IDH3A: variants seen among roughly 807,000 people sequenced by gnomAD.
IDH3A encodes isocitrate dehydrogenase (NAD(+)) 3 catalytic subunit alpha.
A neutral mutation model predicts 43.3 loss-of-function variants in IDH3A; 23 were observed. The ratio of observed to expected loss-of-function variants is 0.53; its 90% CI spans 0.38 to 0.75. The LOEUF (loss-of-function observed/expected upper bound fraction) is 0.75. Among genes scored for constraint, IDH3A ranks in the 30% least tolerant of loss-of-function variants. The pLI, the probability that IDH3A is intolerant of heterozygous loss-of-function variation, is 0.00. For missense variants in IDH3A, 329 were observed against 474.4 expected (o/e 0.69, Z 2.85); for synonymous variants, 154 against 163.5 (o/e 0.94, Z 0.44).
rs954298045 is a variant in IDH3A at position 78,169,858 on chromosome 15, A to G, written c.*853A>G. Reference sequence around the variant, plus strand: ...GAGTGTATTGTAAACTTATTCTTGCATGTTGCTGTCTGGGAATGGACCACA... The same window carrying G: ...GAGTGTATTGTAAACTTATTCTTGCGTGTTGCTGTCTGGGAATGGACCACA... On this transcript the variant is annotated 3_prime_UTR_variant, in exon 11 of 11. Transcript: ENST00000299518. 4 of 152,318 alleles carry G rather than the reference A, an allele frequency of 2.6e-5. No homozygotes were observed. The highest frequency in any genetic ancestry group is 4.1e-4 in the South Asian group (2 of 4,832). 9.4% of individuals were successfully genotyped at this position (152,318 alleles called of 1,614,324 possible). A position where few individuals can be genotyped will look rare whatever the true frequency, so the allele number is the denominator to read the frequency against.
chr15:78,154,926 A>C (rs2074611919), intron 1 of IDH3A: 1 of 264,536 alleles, frequency 3.8e-6, no homozygotes, highest in Non-Finnish European at 7.1e-6. Context: ...GAGCTGAAAA[A>C]GTAGTTTTAT....
intron 3 of IDH3A, 21 bp downstream of exon 3, chr15:78,157,652 C>T (rs199815838): frequency 1.9e-6 from 3 of 1,543,472 alleles, no homozygotes; most frequent in Non-Finnish European, 2.7e-6. Context: ...TTAAAAAATA[C>T]ATTTAATGAT....
In IDH3A at chr15:78,161,974, C is replaced by G. The variant is rs901859290; in HGVS notation, c.477+206C>G. Among the ~76,000 whole-genome samples the G allele has an allele frequency of 6.6e-6, 1 of 151,946 alleles. No homozygotes were observed. Among genetic ancestry groups the G allele is most frequent in the African/African-American group, 2.4e-5 (1 of 41,352 alleles). ...AATATGCCCTCTGAATTTTGAATCC[C>G]CCACTTCACAGGTGCGCTCTTCCGC... On this transcript the variant is annotated intron_variant, in intron 5 of 10. Transcript: ENST00000299518. The surrounding 1 kb of genome is among the most constrained non-coding windows in gnomAD (Gnocchi z 4.8).
At chr15:78,154,057 C>T (rs534714980) in intron 1 of IDH3A, among the ~76,000 whole-genome samples, 1 of 151,956 alleles carries the variant, frequency 6.6e-6, no homozygotes, top group East Asian at 1.9e-4. Flanking sequence ...GTCTATGTAC[C>T]CAGTTTCTTT....
At chr15:78,158,379 G>C (rs1212956834) in intron 3 of IDH3A, among the ~76,000 whole-genome samples, 1 of 145,572 alleles carries the variant, frequency 6.9e-6, no homozygotes, top group Admixed American at 7.0e-5. Context: ...GAAGGATGTA[G>C]GTAGAGAGAA....
chr15:78,162,201 C>T (rs572656350), intron 5 of IDH3A, 33 bp from the exon 6 acceptor site: 2 of 1,613,188 alleles, frequency 1.2e-6, no homozygotes, highest in Non-Finnish European at 1.7e-6. Context: ...CTGTCACACT[C>T]TTTCCAGCAA....
chr15:78,159,124 C>T (rs1388909956), intron 3 of IDH3A, among the ~76,000 whole-genome samples: 1 of 152,216 alleles, frequency 6.6e-6, no homozygotes, highest in South Asian at 2.1e-4. Flanking sequence ...TGAGCCACCA[C>T]ACTGGGCCTA....
rs1023818571 is a variant in IDH3A, at chr15:78,171,187, G to A, written c.*2182G>A. On this transcript the variant is annotated 3_prime_UTR_variant, in exon 11 of 11. Coordinates refer to ENST00000299518, the MANE Select transcript of IDH3A (RefSeq NM_005530.3). ...TATCAGCCCTTTCGTTCTGGAAGGA[G>A]AGCTGATCTCATTTGTCACCTGAAC... 6.0e-6 allele frequency: 2 copies of A among 333,582 alleles called. No homozygotes were observed. The highest frequency in any genetic ancestry group is 8.8e-5 in the Admixed American group (2 of 22,664). The allele number at this position is 333,582 out of a possible 1,614,324, so 20.7% of individuals were successfully genotyped here. A position where few individuals can be genotyped will look rare whatever the true frequency, so the allele number is the denominator to read the frequency against.
rs1353403509 is a variant in IDH3A, at chr15:78,161,648, C to T, written c.357C>T (p.Asp119=). The T allele has an allele frequency of 1.9e-6, 3 of 1,614,024 alleles. No homozygotes were observed. In the South Asian group the frequency reaches 3.3e-5, roughly 18 times the overall value. ...SMNLLLRKTF[D]LYANVRPCVS... is the part of the protein sequence containing the mutation. ...ATTTACTGCTGCGCAAAACATTTGA[C>T]CTTTACGCGAATGTCCGACCATGTG... is the stretch of plus-strand genomic sequence containing the variant. Residue 119 remains aspartate, a synonymous_variant, in exon 5 of 11, where the codon GAC becomes GAT. Transcript: ENST00000299518. This position sits in a 1 kb window ranked among gnomAD's most constrained non-coding sequence, Gnocchi z 4.8.
At chr15:78,163,007 C>A (rs1815699945) in intron 6 of IDH3A, among the ~76,000 whole-genome samples, 1 of 152,192 alleles carries the variant, frequency 6.6e-6, no homozygotes, top group Admixed American at 6.5e-5. Flanking sequence ...GCAGAGGCCA[C>A]ATAGCGTACG....
intron 3 of IDH3A, among the ~76,000 whole-genome samples, chr15:78,158,444 C>CATAT: frequency 1.6e-5 from 1 of 63,238 alleles, no homozygotes; most frequent in Non-Finnish European, 2.7e-5. Flanking sequence ...GCAATACATA[C>CATAT]ATACATATAT....
intron 1 of IDH3A, chr15:78,154,950 T>G: frequency 3.1e-6 from 1 of 323,822 alleles, no homozygotes; most frequent in Admixed American, 4.7e-5. Flanking sequence ...ACCTTCAACA[T>G]CTTTTATTTG....
chr15:78,154,563 G>T (rs1231391266), intron 1 of IDH3A: 1 of 152,082 alleles, frequency 6.6e-6, no homozygotes, highest in African/African-American at 2.4e-5. Flanking sequence ...CAGCATCTCC[G>T]CTTATGAAAT....
rs376815941 is a variant in IDH3A at position 78,160,225 on chromosome 15, C to T, written c.289+19C>T. 3.9e-5 allele frequency: 56 copies of T among 1,432,750 alleles called. No homozygotes were observed. In the African/African-American group the frequency reaches 4.2e-4, roughly 11 times the overall value. The allele number at this position is 1,432,750 out of a possible 1,614,324, so 88.8% of individuals were successfully genotyped here. A position where few individuals can be genotyped will look rare whatever the true frequency, so the allele number is the denominator to read the frequency against. On this transcript the variant is annotated intron_variant, in intron 4 of 10. Coordinates refer to ENST00000299518, the MANE Select transcript of IDH3A (RefSeq NM_005530.3). ...TTGAAAGGTAGCACTGAAGTAGAGA[C>T]GGGGGTTTTTACAGATTTCCGCTAC...
intron 8 of IDH3A, 75 bp downstream of exon 8, chr15:78,163,855 AT>A: frequency 4.3e-6 from 4 of 933,192 alleles, no homozygotes; most frequent in Non-Finnish European, 7.1e-6. Flanking sequence ...ATGGCTTAAC[AT>A]TTTCAATTGA....
chr15:78,160,209 AGCACTGAAGTAGAGACG>A lies in IDH3A; in HGVS notation c.289+5_289+21del, dbSNP rs747058762. 8.5e-6 allele frequency: 13 copies of A among 1,525,494 alleles called. No individual in the cohort carries two copies. Among genetic ancestry groups the A allele is most frequent in the Non-Finnish European group, 1.2e-5 (13 of 1,099,022 alleles). 94.5% of individuals were successfully genotyped at this position (1,525,494 alleles called of 1,614,324 possible). On this transcript the variant is annotated splice_donor_5th_base_variant and intron_variant, in intron 4 of 10. Transcript: ENST00000299518. ...TAAGAACAAGATGGGCTTGAAAGGT[AGCACTGAAGTAGAGACG>A]GGGGTTTTTACAGATTTCCGCTACA...
In IDH3A at chr15:78,163,600, A is replaced by G; in HGVS notation, c.705A>G (p.Val235=). The G allele has an allele frequency of 6.3e-7, 1 of 1,596,696 alleles. No individual in the cohort carries two copies. The highest frequency in any genetic ancestry group is 1.1e-5 in the South Asian group (1 of 90,636). The part of the protein sequence containing the change: ...IKFNEMYLDT[V]CLNMVQDPSQ... ...TTAATGAGATGTACCTTGATACAGT[A>G]TGTTTGAATGTAAGTATATATTCAC... The change falls in exon 7 of 11, where the codon GTA becomes GTG. Residue 235 remains valine (V), a synonymous_variant. Transcript: ENST00000299518.
intron 8 of IDH3A, 48 bp from the exon 9 acceptor site, chr15:78,164,944 G>A (rs756128441): frequency 2.8e-6 from 4 of 1,408,326 alleles, no homozygotes; most frequent in Non-Finnish European, 2.0e-6. Flanking sequence ...TGCTAGGTGA[G>A]ATGTTTTATT....
intron 4 of IDH3A, among the ~76,000 whole-genome samples, chr15:78,160,518 G>A (rs1034391826): frequency 6.6e-6 from 1 of 152,014 alleles, no homozygotes; most frequent in African/African-American, 2.4e-5. Flanking sequence ...TTGTGACAGA[G>A]TCTCGCTCTG....
Sources: allele counts gnomAD v4.1 joint callset (sites outside exome capture counted in the v4.1 genomes callset), GRCh38; gene constraint gnomAD v4.1.1; non-coding constraint Gnocchi (gnomAD v3.1); transcripts MANE v1.5; gene names NCBI Gene and HGNC (gene_info 2026-07-23, HGNC 2026-07-21).